Variants in ZNF407 observed in about 807,000 individuals in gnomAD.
The protein encoded by ZNF407 is zinc finger protein 407.
A neutral mutation model predicts 131.2 loss-of-function variants in ZNF407; 17 were observed. The observed-to-expected ratio is 0.13, with a 90% CI of 0.09 to 0.19. ZNF407 has a LOEUF of 0.19. ZNF407 is among the 10% of genes least tolerant of loss of function. The pLI is 1.00. For missense variants in ZNF407, 2,681 were observed against 2,830.6 expected (o/e 0.95, Z 1.20); for synonymous variants, 1,156 against 1,062.0 (o/e 1.09, Z -1.72).
chr18:74,883,212 C>CA (rs1304260787), intron 6 of ZNF407, among the ~76,000 whole-genome samples: 1 of 152,210 alleles, frequency 6.6e-6, no homozygotes, highest in Non-Finnish European at 1.5e-5. Context: ...TAGCACAAAT[C>CA]AAACATGATT....
chr18:75,065,585 CTG>C lies in ZNF407; in HGVS notation c.*1119_*1120del, dbSNP rs1463249260. On this transcript the variant is annotated 3_prime_UTR_variant, in exon 9 of 9. Transcript: ENST00000299687. ...CAATTGTTCTTATTCTTTTCCAAAA[CTG>C]TAAAATAATCTCCTCCCTCAAATGC... 6.6e-6 allele frequency: 1 copy of C among 152,228 alleles called. No homozygotes were observed. Among genetic ancestry groups the C allele is most frequent in the African/African-American group, 2.4e-5 (1 of 41,448 alleles). 9.4% of individuals were successfully genotyped at this position (152,228 alleles called of 1,614,324 possible).
intron 4 of ZNF407, among the ~76,000 whole-genome samples, chr18:74,814,334 A>G (rs1274710925): frequency 1.3e-5 from 2 of 152,036 alleles, no homozygotes; most frequent in Non-Finnish European, 2.9e-5. Flanking sequence ...AAGTCTCACT[A>G]TGTTGGTCCT....
At chr18:74,909,702 AAAT>A (rs1166838381) in intron 7 of ZNF407, among the ~76,000 whole-genome samples, 17 of 152,118 alleles carry the variant, frequency 1.1e-4, no homozygotes, top group Admixed American at 2.0e-4. Context: ...GCATCTTCAG[AAAT>A]AATATTTTTT....
intron 3 of ZNF407, among the ~76,000 whole-genome samples, chr18:74,682,608 C>T (rs978210079): frequency 6.6e-6 from 1 of 152,154 alleles, no homozygotes; most frequent in Non-Finnish European, 1.5e-5. Context: ...CAGCTTACTG[C>T]AACTGAGAAT....
chr18:74,798,757 G>A (rs1173728330), intron 4 of ZNF407, among the ~76,000 whole-genome samples: 2 of 151,986 alleles, frequency 1.3e-5, no homozygotes, highest in Non-Finnish European at 2.9e-5. Flanking sequence ...AGGCCTATGG[G>A]CTCATTTTGT....
intron 4 of ZNF407, among the ~76,000 whole-genome samples, chr18:74,849,024 T>C (rs1970740417): frequency 6.6e-6 from 1 of 151,974 alleles, no homozygotes; most frequent in African/African-American, 2.4e-5. Context: ...ATGCCACTTC[T>C]TGTGGTGACT....
chr18:74,673,541 C>CT (rs1161175116), intron 3 of ZNF407, among the ~76,000 whole-genome samples: 2 of 152,178 alleles, frequency 1.3e-5, no homozygotes, highest in Non-Finnish European at 2.9e-5. Context: ...TGCAGAATCC[C>CT]TTTTGTGTGC....
chr18:75,064,005 G>A lies in ZNF407; in HGVS notation c.6284G>A (p.Gly2095Asp). 6.2e-7 allele frequency: 1 copy of A among 1,609,808 alleles called. No individual in the cohort carries two copies. Among genetic ancestry groups the A allele is most frequent in the South Asian group, 1.1e-5 (1 of 90,174 alleles). ...GCTGTGTGTGACACGGCCGCGGCCG[G>A]CCAGTTGGTCAAGGACGGTGTCACC... ...QFAVCDTAAA[G>D]QLVKDGVTQV... The change falls in exon 9 of 9, where the codon GGC becomes GAC. Residue 2095 changes from glycine to aspartate, a missense_variant. This residue lies in a region of ZNF407 where 620 missense variants were observed against 583.1 expected (regional missense o/e 1.06). Coordinates refer to ENST00000299687, the MANE Select transcript of ZNF407 (RefSeq NM_017757.3).
At chr18:74,646,396 A>G (rs1984974172) in intron 3 of ZNF407, among the ~76,000 whole-genome samples, 1 of 152,218 alleles carries the variant, frequency 6.6e-6, no homozygotes. Context: ...ATAAAGTGCA[A>G]CATCTCTCAG....
intron 6 of ZNF407, among the ~76,000 whole-genome samples, chr18:74,883,948 A>C (rs1971272979): frequency 6.6e-6 from 1 of 152,180 alleles, no homozygotes; most frequent in South Asian, 2.1e-4. Context: ...GCTTGTTTGA[A>C]AAGCACATGT....
At chr18:74,916,473 G>A (rs1343435793) in intron 7 of ZNF407, among the ~76,000 whole-genome samples, 15 of 128,048 alleles carry the variant, frequency 1.2e-4, no homozygotes, top group Admixed American at 3.1e-4. Context: ...GCATTGGTTC[G>A]AATTGGGAGT....
Position 74,631,164 on chromosome 18 carries a change from G to C in ZNF407, c.145G>C (p.Gly49Arg), listed in dbSNP as rs1477170752. Residue 49 changes from glycine (G) to arginine (R), a missense_variant, in exon 2 of 9, where the codon GGC becomes CGC. By Grantham distance (125) the Gly-to-Arg change is moderately radical. This residue lies in a region of ZNF407 where 1,789 missense variants were observed against 1,748.7 expected (regional missense o/e 1.02). Coordinates refer to ENST00000299687, the MANE Select transcript of ZNF407 (RefSeq NM_017757.3). ...AGCAAGTTTCCCTGAGAATTCTATG[G>C]GCAAAAGAGGTTTTTCAGAATCATC... ...VIASFPENSM[G>R]KRGFSESSNS... 2.5e-6 allele frequency: 4 copies of C among 1,613,936 alleles called. No individual in the cohort carries two copies. Among genetic ancestry groups the C allele is most frequent in the South Asian group, 1.1e-5 (1 of 91,072 alleles).
intron 8 of ZNF407, among the ~76,000 whole-genome samples, chr18:74,964,021 T>G (rs189944955): frequency 2.6e-5 from 4 of 152,322 alleles, no homozygotes. Flanking sequence ...TGGGGAACAG[T>G]AATGTCTTTT....
intron 3 of ZNF407, among the ~76,000 whole-genome samples, chr18:74,704,402 A>G (rs1393839878): frequency 6.6e-6 from 1 of 152,134 alleles, no homozygotes; most frequent in Admixed American, 6.5e-5. Flanking sequence ...TACAACGGGG[A>G]AAATGAAGGG....
chr18:75,009,367 G>A (rs987080945), intron 8 of ZNF407, among the ~76,000 whole-genome samples: 6 of 152,096 alleles, frequency 3.9e-5, no homozygotes, highest in Admixed American at 2.0e-4. Flanking sequence ...TTTATAAAAG[G>A]TAGCCCTTAT....
At chr18:74,662,018 G>C (rs550748245) in intron 3 of ZNF407, among the ~76,000 whole-genome samples, 30 of 151,476 alleles carry the variant, frequency 2.0e-4, no homozygotes, top group Admixed American at 3.9e-4. Context: ...TGCGGTGTCT[G>C]TGCTTAAATC....
intron 3 of ZNF407, among the ~76,000 whole-genome samples, chr18:74,714,939 T>C (rs1302800945): frequency 6.6e-6 from 1 of 152,198 alleles, no homozygotes; most frequent in Non-Finnish European, 1.5e-5. Context: ...GTGGGAGTTC[T>C]AGACAGGGCG....
chr18:74,922,633 A>G (rs1034323544), intron 8 of ZNF407, among the ~76,000 whole-genome samples: 6 of 152,246 alleles, frequency 3.9e-5, no homozygotes, highest in African/African-American at 1.2e-4. Context: ...CAAATGTGCT[A>G]TACCCTTGGT....
At chr18:74,753,659 T>C (rs1968859774) in intron 3 of ZNF407, among the ~76,000 whole-genome samples, 2 of 152,236 alleles carry the variant, frequency 1.3e-5, no homozygotes, top group Non-Finnish European at 2.9e-5. Context: ...ATTACGTTTA[T>C]TGATTTGTGT....
Sources: gnomAD v4.1 joint callset for allele counts (sites outside exome capture counted in the v4.1 genomes callset) on GRCh38, gnomAD v4.1.1 for gene constraint, gnomAD v4.1.1 regional missense constraint, MANE v1.5 for transcripts, NCBI Gene and HGNC (gene_info 2026-07-23, HGNC 2026-07-21) for gene names.